The following CCDC157 variants were observed in gnomAD, a reference collection of about 807,000 sequenced individuals.
CCDC157 encodes coiled-coil domain containing 157.
Under a neutral mutation model 70.9 loss-of-function variants are expected in CCDC157, and 60 were observed. The ratio of observed to expected loss-of-function variants is 0.85; its 90% confidence interval spans 0.69 to 1.05. The LOEUF is 1.05. Among genes scored for constraint, CCDC157 ranks in the 50% least tolerant of loss-of-function variants. The probability of loss-of-function intolerance (pLI) is 0.00; values close to 1 mark genes in which losing one functional copy is unlikely to be tolerated. For synonymous variants in CCDC157, 373 were observed against 422.4 expected (o/e 0.88, Z 1.43); for missense variants, 943 against 984.2 (o/e 0.96, Z 0.56).
In CCDC157 at chr22:30,372,026, T is replaced by C. The variant is rs924184402; in HGVS notation, c.1124-49T>C. ...AGCTCCCGTCCTAGGTCTGAGGTAG[T>C]ACAGCGCTCCCCTGCCCTACCCCAT... On this transcript the variant is annotated intron_variant, in intron 6 of 11. Coordinates refer to ENST00000338306, the MANE Select transcript of CCDC157 (RefSeq NM_001017437.5). 4.0e-6 allele frequency: 5 copies of C among 1,262,340 alleles called. No homozygotes were observed. The African/African-American group carries it at 7.4e-5, about 19-fold the overall frequency. 78.2% of individuals were successfully genotyped at this position (1,262,340 alleles called of 1,614,324 possible).
chr22:30,369,515 G>A lies in CCDC157; in HGVS notation c.332G>A (p.Gly111Glu), dbSNP rs781755871. 1.9e-6 allele frequency: 3 copies of A among 1,607,498 alleles called. No homozygotes were observed. Among genetic ancestry groups the A allele is most frequent in the Non-Finnish European group, 8.5e-7 (1 of 1,176,488 alleles). Residue 111 changes from glycine (G) to glutamate (E), a missense_variant, in exon 4 of 12, where the codon GGG becomes GAG. Gly to Glu is a moderately conservative substitution (Grantham distance 98). Coordinates refer to ENST00000338306, the MANE Select transcript of CCDC157 (RefSeq NM_001017437.5). ...ATGATGCCCCCTGCACAGGCTGCGG[G>A]GCCCTGCATGTCCGTGGGGCTCACG... ...EQMMPPAQAA[G>E]PCMSVGLTVR... is the part of the protein sequence containing the mutation.
chr22:30,375,649 C>G lies in CCDC157; in HGVS notation c.1843C>G (p.Gln615Glu). Residue 615 changes from glutamine to glutamate, a missense_variant, in exon 10 of 12, where the codon CAG (glutamine) becomes GAG (glutamate). Physicochemically the swap from Gln to Glu is conservative, Grantham distance 29. Coordinates refer to ENST00000338306, the MANE Select transcript of CCDC157 (RefSeq NM_001017437.5). ...MLSKIREVAQ[Q>E]GGLKLIPQDR... is the part of the protein sequence containing the mutation. ...GTCCAAAATCCGGGAAGTGGCCCAGCAGGGTGGCCTCAAGGTGGGCCTGAG... is the reference window on the plus strand; with the variant it reads ...GTCCAAAATCCGGGAAGTGGCCCAGGAGGGTGGCCTCAAGGTGGGCCTGAG... 6 of 1,613,326 alleles carry G rather than the reference C, an allele frequency of 3.7e-6. No homozygotes were observed. Among genetic ancestry groups the G allele is most frequent in the Non-Finnish European group, 5.1e-6 (6 of 1,179,604 alleles).
chr22:30,371,615 G>A (rs367593529), intron 5 of CCDC157, 35 bp from the exon 6 acceptor site: 1 of 1,575,684 alleles, frequency 6.3e-7, no homozygotes, highest in Non-Finnish European at 8.7e-7. Context: ...AGGTCCATGG[G>A]ACCCTCTGAA....
At chr22:30,372,914 C>G (rs1601742486) in intron 7 of CCDC157, 1 of 153,164 alleles carries the variant, frequency 6.5e-6, no homozygotes, top group African/African-American at 2.4e-5. Flanking sequence ...GTAGGGGAAG[C>G]CTTTCTACCC....
Position 30,370,613 on chromosome 22 carries a change from G to C in CCDC157, c.708G>C (p.Lys236Asn), listed in dbSNP as rs1932894344. The change falls in exon 5 of 12, where the codon AAG becomes AAC. Residue 236 changes from lysine (K) to asparagine (N), a missense_variant. Lys to Asn is a moderately conservative substitution (Grantham distance 94, BLOSUM62 0). Coordinates refer to ENST00000338306, the MANE Select transcript of CCDC157 (RefSeq NM_001017437.5). The part of the protein sequence containing the change: ...SVQGSLQKVG[K>N]VVISLCQSQN... ...AGGGAAGCCTGCAGAAGGTGGGCAA[G>C]GTGGTCATCAGCCTGTGTCAGAGCC... is the stretch of plus-strand genomic sequence containing the variant. 3.7e-6 allele frequency: 6 copies of C among 1,614,114 alleles called. No individual in the cohort carries two copies. Among genetic ancestry groups the C allele is most frequent in the Non-Finnish European group, 5.1e-6 (6 of 1,180,038 alleles).
intron 1 of CCDC157, among the ~76,000 whole-genome samples, chr22:30,361,084 A>G (rs1358185734): frequency 3.3e-5 from 5 of 151,488 alleles, no homozygotes; most frequent in African/African-American, 1.2e-4. Context: ...TTAAAAAATA[A>G]TAAAAATACA....
intron 2 of CCDC157, among the ~76,000 whole-genome samples, chr22:30,362,755 T>C (rs1254315038): frequency 1.3e-5 from 2 of 152,016 alleles, no homozygotes; most frequent in Middle Eastern, 3.4e-3. Flanking sequence ...GTGGTCTCGA[T>C]GTAGGATTGG....
intron 6 of CCDC157, 48 bp from the exon 7 acceptor site, chr22:30,372,027 A>G: frequency 7.9e-7 from 1 of 1,269,438 alleles, no homozygotes; most frequent in Non-Finnish European, 1.1e-6. Flanking sequence ...CTGAGGTAGT[A>G]CAGCGCTCCC....
At chr22:30,360,558 A>G (rs1177790566) in intron 1 of CCDC157, among the ~76,000 whole-genome samples, 1 of 152,122 alleles carries the variant, frequency 6.6e-6, no homozygotes, top group Non-Finnish European at 1.5e-5. Context: ...TGAAAACCCA[A>G]AGAAACAAGG....
At position 30,375,612 on chromosome 22, in the gene CCDC157, C is replaced by CCAAT. The variant is rs752772804; in HGVS notation, c.1811_1814dup (p.Met605IlefsTer55). ...TCCTACAGGAGGAGAACGGGCGGCT[C>CCAAT]CAATCAATGCTGTCCAAAATCCGGG... On this transcript the variant is annotated frameshift_variant, in exon 10 of 12. Transcript: ENST00000338306. LOFTEE classifies it high-confidence loss of function. The CCAAT allele has an allele frequency of 6.2e-7, 1 of 1,614,114 alleles. No individual in the cohort carries two copies. Among genetic ancestry groups the CCAAT allele is most frequent in the South Asian group, 1.1e-5 (1 of 91,076 alleles).
At chr22:30,356,798 C>G (rs766798912), upstream of CCDC157, 18 of 1,396,252 alleles carry the variant, frequency 1.3e-5, no homozygotes, top group Non-Finnish European at 4.7e-6. Context: ...GGCATGACTG[C>G]GACGCTCAGG....
At chr22:30,375,308 A>AT (rs1933270863) in intron 9 of CCDC157, 171 bp from the exon 10 acceptor site, 6 of 626,016 alleles carry the variant, frequency 9.6e-6, no homozygotes, top group Non-Finnish European at 1.6e-5. Context: ...AGATTTTATA[A>AT]TACTATGGTC....
chr22:30,377,658 G>A lies in CCDC157; in HGVS notation c.*913G>A, dbSNP rs1218163556. 1.2e-5 allele frequency: 2 copies of A among 167,986 alleles called. No individual in the cohort carries two copies. The highest frequency in any genetic ancestry group is 2.6e-5 in the Non-Finnish European group (2 of 76,732). 10.4% of individuals were successfully genotyped at this position (167,986 alleles called of 1,614,324 possible). On this transcript the variant is annotated 3_prime_UTR_variant, in exon 12 of 12. Transcript: ENST00000338306. Reference sequence around the variant, plus strand: ...GTCAAGAGGGGCCATGTATATAGCTGAGCTACCACAGCTTTGGTCAGCCCA... The same window carrying A: ...GTCAAGAGGGGCCATGTATATAGCTAAGCTACCACAGCTTTGGTCAGCCCA...
At chr22:30,370,173 TTC>T in intron 4 of CCDC157, 151 bp from the exon 5 acceptor site, 2 of 860,884 alleles carry the variant, frequency 2.3e-6, no homozygotes, top group Non-Finnish European at 3.7e-6. Flanking sequence ...AGGGAGAAAG[TTC>T]TCTCTTATTC....
chr22:30,368,692 T>A (rs1932814749), intron 3 of CCDC157: 1 of 152,228 alleles, frequency 6.6e-6, no homozygotes, highest in Non-Finnish European at 1.5e-5. Context: ...AGGCCCTCTC[T>A]GCCCAAGGCC....
rs778231607 is a variant in CCDC157 at position 30,369,422 on chromosome 22, C to G, written c.249-10C>G. The G allele has an allele frequency of 6.7e-7, 1 of 1,500,664 alleles. No individual in the cohort carries two copies. The highest frequency in any genetic ancestry group is 8.9e-7 in the Non-Finnish European group (1 of 1,118,278). 93.0% of individuals were successfully genotyped at this position (1,500,664 alleles called of 1,614,324 possible). A position where few individuals can be genotyped will look rare whatever the true frequency, so the allele number is the denominator to read the frequency against. ...CCTGGGCCCCAGCAACCTAGCATCTCTGCCCGCAGGCTCCTGCTGCTGCTT... is the reference window on the plus strand; with the variant it reads ...CCTGGGCCCCAGCAACCTAGCATCTGTGCCCGCAGGCTCCTGCTGCTGCTT... On this transcript the variant is annotated splice_polypyrimidine_tract_variant and intron_variant, in intron 3 of 11. Coordinates refer to ENST00000338306, the MANE Select transcript of CCDC157 (RefSeq NM_001017437.5).
In CCDC157 at chr22:30,370,651, C is replaced by G. The variant is rs1932896178; in HGVS notation, c.746C>G (p.Ser249Trp). Residue 249 changes from serine (S) to tryptophan (W), a missense_variant, in exon 5 of 12, where the codon TCG becomes TGG. Coordinates refer to ENST00000338306, the MANE Select transcript of CCDC157 (RefSeq NM_001017437.5). ...ISLCQSQNLP[S>W]SLGQFQQLVQ... ...CTGTGTCAGAGCCAGAACCTGCCCT[C>G]GTCCTTAGGCCAGTTCCAGCAACTG... 6.2e-7 allele frequency: 1 copy of G among 1,613,998 alleles called. No individual in the cohort carries two copies.
At chr22:30,364,695 C>T (rs1034439875) in intron 2 of CCDC157, among the ~76,000 whole-genome samples, 5 of 150,520 alleles carry the variant, frequency 3.3e-5, no homozygotes, top group African/African-American at 7.3e-5. Flanking sequence ...CCCAGCTACT[C>T]GGGAGGCTGA....
In CCDC157 at chr22:30,370,179, C is replaced by T. The variant is rs890256613; in HGVS notation, c.421-147C>T. The T allele has an allele frequency of 1.4e-5, 13 of 904,764 alleles. No homozygotes were observed. In the African/African-American group the frequency reaches 1.8e-4, roughly 13 times the overall value. The allele number at this position is 904,764 out of a possible 1,614,324, so 56.0% of individuals were successfully genotyped here. A position where few individuals can be genotyped will look rare whatever the true frequency, so the allele number is the denominator to read the frequency against. On this transcript the variant is annotated intron_variant, in intron 4 of 11. Transcript: ENST00000338306. ...GAGTAACAGAGGGAGAAAGTTCTCT[C>T]TTATTCACGTCGGTGTCAGAGAACA...
Sources: gnomAD v4.1 joint callset for allele counts (sites outside exome capture counted in the v4.1 genomes callset) on GRCh38, gnomAD v4.1.1 for gene constraint, MANE v1.5 for transcripts, NCBI Gene and HGNC (gene_info 2026-07-23, HGNC 2026-07-21) for gene names.